The following RUNX3 variants were observed in gnomAD, a reference collection of about 807,000 sequenced individuals.
RUNX3 encodes the protein runt-related transcription factor 3.
Under a neutral mutation model 27.7 loss-of-function variants are expected in RUNX3, and 10 were observed. That is an observed-to-expected ratio of 0.36 (90% confidence interval 0.22 to 0.61). RUNX3 has a LOEUF of 0.61. RUNX3 is among the 20% of genes least tolerant of loss of function. RUNX3 has a pLI of 0.72. For missense variants in RUNX3, 469 were observed against 629.5 expected (o/e 0.75, Z 2.73); for synonymous variants, 270 against 269.2 (o/e 1.00, Z -0.03).
intron 3 of RUNX3, among the ~76,000 whole-genome samples, chr1:24,917,717 T>C (rs1640915853): frequency 6.6e-6 from 1 of 152,172 alleles, no homozygotes; most frequent in African/African-American, 2.4e-5. Context: ...GCGAATATCA[T>C]TTTTCAGTTC....
In RUNX3 at chr1:24,902,952, T is replaced by A. The variant is rs1163651195; in HGVS notation, c.704-286A>T. On this transcript the variant is annotated intron_variant, in intron 4 of 4. Transcript: ENST00000308873. The surrounding 1 kb of genome is among the most constrained non-coding windows in gnomAD (Gnocchi z 9.2). ...GAGGGGGTCTATTCTTCTTTTTAAATCCTCCTTCCCAGCCTCGCAGAGGAG... is the reference window on the plus strand; with the variant it reads ...GAGGGGGTCTATTCTTCTTTTTAAAACCTCCTTCCCAGCCTCGCAGAGGAG... Among the ~76,000 whole-genome samples, 1 of 152,122 alleles carries A rather than the reference T, an allele frequency of 6.6e-6. No homozygotes were observed. Among genetic ancestry groups the A allele is most frequent in the Non-Finnish European group, 1.5e-5 (1 of 68,002 alleles).
chr1:24,902,254 G>A lies in RUNX3; in HGVS notation c.1116C>T (p.Ala372=), dbSNP rs150387206. Reference sequence around the variant, plus strand: ...GGCTGGGGTTCATGAGGTTGCCGGCGGCGACAGAGGCAGCGCTGCTGGTGC... The same window carrying A: ...GGCTGGGGTTCATGAGGTTGCCGGCAGCGACAGAGGCAGCGCTGCTGGTGC... ...ASCTSSAASV[A]AGNLMNPSLG... The change falls in exon 5 of 5, where the codon GCC becomes GCT. Residue 372 remains alanine (A), a synonymous_variant. Coordinates refer to ENST00000308873, the MANE Select transcript of RUNX3 (RefSeq NM_004350.3). This position sits in a 1 kb window ranked among gnomAD's most constrained non-coding sequence, Gnocchi z 9.2. 5.9e-5 allele frequency: 94 copies of A among 1,586,728 alleles called. 1 individual carries two copies. The highest frequency in any genetic ancestry group is 1.0e-4 in the South Asian group (9 of 87,586).
chr1:24,933,949 C>G (rs1244713689), upstream of RUNX3, among the ~76,000 whole-genome samples: 5 of 152,236 alleles, frequency 3.3e-5, no homozygotes, highest in Non-Finnish European at 4.4e-5. Flanking sequence ...TGAAACCTAT[C>G]TCCTGCCCAG....
Position 24,929,671 on chromosome 1 carries a change from G to A in RUNX3, c.198C>T (p.Leu66=), listed in dbSNP as rs139319032. ...GGAAGTTGGGGCTGTCGGTGCGCACGAGCTCGCCTGCGTGGTCCGCCAGCA... is the reference window on the plus strand; with the variant it reads ...GGAAGTTGGGGCTGTCGGTGCGCACAAGCTCGCCTGCGTGGTCCGCCAGCA... The part of the protein sequence containing the change: ...VDVLADHAGE[L]VRTDSPNFLC... Residue 66 remains leucine (L), a synonymous_variant, in exon 1 of 5, where the codon CTC becomes CTT. Coordinates refer to ENST00000308873, the MANE Select transcript of RUNX3 (RefSeq NM_004350.3). 1.7e-4 allele frequency: 268 copies of A among 1,597,670 alleles called. No individual in the cohort carries two copies. In the Middle Eastern group the frequency reaches 3.1e-3, roughly 18 times the overall value.
upstream of RUNX3, among the ~76,000 whole-genome samples, chr1:24,932,244 C>G (rs765426697): frequency 6.8e-6 from 1 of 147,880 alleles, no homozygotes; most frequent in Non-Finnish European, 1.5e-5. Context: ...GCCCTGGCAC[C>G]TGGCGCAGGG....
intron 2 of RUNX3, among the ~76,000 whole-genome samples, chr1:24,953,402 G>GAAAAAAAAAAAA (rs553316885): frequency 2.6e-4 from 18 of 70,396 alleles, no homozygotes; most frequent in Non-Finnish European, 3.5e-4. Flanking sequence ...AAAGAAAAAT[G>GAAAAAAAAAAAA]AAAAAAAAAA....
intron 2 of RUNX3, among the ~76,000 whole-genome samples, chr1:24,937,481 C>T (rs1450745858): frequency 2.6e-5 from 4 of 152,210 alleles, no homozygotes; most frequent in Admixed American, 6.5e-5. Flanking sequence ...AGCCAGTTTG[C>T]TTATATCACC....
At chr1:24,963,616 C>T (rs934935872) in intron 2 of RUNX3, among the ~76,000 whole-genome samples, 3 of 152,160 alleles carry the variant, frequency 2.0e-5, no homozygotes, top group South Asian at 4.1e-4. Context: ...GCCACTGAGC[C>T]GTGGGACTTG....
chr1:24,926,307 C>A (rs934917414), intron 2 of RUNX3, among the ~76,000 whole-genome samples: 10 of 152,182 alleles, frequency 6.6e-5, no homozygotes, highest in Non-Finnish European at 1.5e-4. Flanking sequence ...TTAGGAGCAG[C>A]AATGAAAGCT....
intron 2 of RUNX3, among the ~76,000 whole-genome samples, chr1:24,950,735 A>G (rs1557858282): frequency 6.6e-6 from 1 of 152,176 alleles, no homozygotes. Context: ...CCCCTCGCTC[A>G]GAAGAGGGCA....
chr1:24,932,104 G>A (rs1641244168), upstream of RUNX3, among the ~76,000 whole-genome samples: 1 of 152,246 alleles, frequency 6.6e-6, no homozygotes, highest in East Asian at 1.9e-4. Flanking sequence ...GTTTCAGGTG[G>A]TGGTAAATTC....
intron 2 of RUNX3, among the ~76,000 whole-genome samples, chr1:24,958,019 C>T (rs1641991535): frequency 6.6e-6 from 1 of 152,214 alleles, no homozygotes; most frequent in South Asian, 2.1e-4. Context: ...AAAACCAGGG[C>T]TTGGCGCTGG....
Position 24,901,920 on chromosome 1 carries a change from T to G in RUNX3, c.*202A>C. 1.8e-5 allele frequency: 9 copies of G among 508,636 alleles called. No homozygotes were observed. The highest frequency in any genetic ancestry group is 3.6e-5 in the South Asian group (1 of 27,864). 31.5% of individuals were successfully genotyped at this position (508,636 alleles called of 1,614,324 possible). A position where few individuals can be genotyped will look rare whatever the true frequency, so the allele number is the denominator to read the frequency against. ...CCGGGGGCAGTATCCCGGGCCGGGG[T>G]GGGGGTGGTAACCTATGCCTCTGTA... On this transcript the variant is annotated 3_prime_UTR_variant, in exon 5 of 5. Coordinates refer to ENST00000308873, the MANE Select transcript of RUNX3 (RefSeq NM_004350.3).
At chr1:24,941,431 T>C (rs4649038) in intron 2 of RUNX3, among the ~76,000 whole-genome samples, 97,020 of 152,112 alleles carry the variant, frequency 0.64, 33,354 homozygotes, top group African/African-American at 0.9. Context: ...TCACACATGC[T>C]GTTGAATCCC....
At chr1:24,939,801 A>AG (rs1641433681) in intron 2 of RUNX3, among the ~76,000 whole-genome samples, 1 of 152,174 alleles carries the variant, frequency 6.6e-6, no homozygotes, top group Non-Finnish European at 1.5e-5. Context: ...AGGCAGTGGG[A>AG]GGGGAGAAGT....
upstream of RUNX3, among the ~76,000 whole-genome samples, chr1:24,932,363 A>G (rs1003556780): frequency 1.3e-5 from 2 of 151,990 alleles, no homozygotes; most frequent in African/African-American, 4.8e-5. Context: ...TTGGGTCCCC[A>G]GACCAAGGTC....
rs1235207909 is a variant in RUNX3, at chr1:24,929,727, C to A, written c.142G>T (p.Ala48Ser). Residue 48 changes from alanine (A) to serine (S), a missense_variant, in exon 1 of 5, where the codon GCC becomes TCC. Transcript: ENST00000308873. Reference protein sequence around the residue: ...AQAAVGPGGRARPEVRSMVDV... With the variant: ...AQAAVGPGGRSRPEVRSMVDV... ...ACCATCGAGCGCACCTCGGGCCGGGCGCGCCCTCCGGGCCCCACGGCCGCC... is the reference window on the plus strand; with the variant it reads ...ACCATCGAGCGCACCTCGGGCCGGGAGCGCCCTCCGGGCCCCACGGCCGCC... The A allele has an allele frequency of 1.3e-6, 2 of 1,503,876 alleles. No individual in the cohort carries two copies. The highest frequency in any genetic ancestry group is 8.8e-7 in the Non-Finnish European group (1 of 1,136,260). 93.2% of individuals were successfully genotyped at this position (1,503,876 alleles called of 1,614,324 possible).
chr1:24,955,163 C>A (rs1362716647), intron 2 of RUNX3, among the ~76,000 whole-genome samples: 1 of 152,194 alleles, frequency 6.6e-6, no homozygotes, highest in Non-Finnish European at 1.5e-5. Context: ...CAGATTCCAC[C>A]CTTTCTAGAA....
In RUNX3 at chr1:24,962,689, G is replaced by T. The variant is rs761175248; in HGVS notation, c.58+1825C>A. Among the ~76,000 whole-genome samples, 10 of 152,200 alleles carry T rather than the reference G, an allele frequency of 6.6e-5. No individual in the cohort carries two copies. The highest frequency in any genetic ancestry group is 1.3e-4 in the Non-Finnish European group (9 of 68,034). ...CCTATGAGGCGCCTTCTGTGCCACT[G>T]CTGGCCAGGATCAGCCCGCTCTGCC... On this transcript the variant is annotated intron_variant, in intron 2 of 6. Coordinates refer to the RUNX3 transcript ENST00000338888. The surrounding 1 kb of genome is among the most constrained non-coding windows in gnomAD (Gnocchi z 4.5).
Sources: allele counts gnomAD v4.1 joint callset (sites outside exome capture counted in the v4.1 genomes callset), GRCh38; gene constraint gnomAD v4.1.1; non-coding constraint Gnocchi (gnomAD v3.1); transcripts MANE v1.5; gene names NCBI Gene and HGNC (gene_info 2026-07-23, HGNC 2026-07-21).